AKNA: variants seen among roughly 807,000 people sequenced by gnomAD.
AKNA encodes the protein microtubule organization protein AKNA.
In AKNA, 67 loss-of-function variants were observed where a neutral mutation model predicts 138.8. The ratio of observed to expected loss-of-function variants is 0.48; its 90% confidence interval spans 0.40 to 0.59. The LOEUF (loss-of-function observed/expected upper bound fraction) is 0.59, where lower values mean the gene tolerates loss of function less well. Ranked by LOEUF, AKNA falls within the 20% of genes least tolerant of loss-of-function variation. AKNA has a pLI of 0.00. For synonymous variants in AKNA, 737 were observed against 754.4 expected (o/e 0.98, Z 0.38); for missense variants, 1,813 against 1,880.4 (o/e 0.96, Z 0.66).
intron 4 of AKNA, among the ~76,000 whole-genome samples, chr9:114,369,153 T>C (rs1359271730): frequency 2.0e-5 from 3 of 152,162 alleles, no homozygotes; most frequent in Non-Finnish European, 2.9e-5. Flanking sequence ...TCTCTATCAT[T>C]TGAGGATGGA....
chr9:114,368,077 C>A (rs533695172), intron 5 of AKNA: 1 of 288,018 alleles, frequency 3.5e-6, no homozygotes, highest in Non-Finnish European at 6.5e-6. Context: ...ATGGGTGTGA[C>A]AACAGTGCAC....
Position 114,345,849 on chromosome 9 carries a change from C to T in AKNA, c.3661+14G>A, listed in dbSNP as rs958337333. On this transcript the variant is annotated intron_variant, in intron 18 of 21. Coordinates refer to ENST00000374088, the MANE Select transcript of AKNA (RefSeq NM_001317950.2). ...CAGGAGCTGCACCCATCCCGGCCCT[C>T]CCTCCTGACCTACCTGTGTATTGGC... 6.2e-7 allele frequency: 1 copy of T among 1,613,218 alleles called. No homozygotes were observed. Among genetic ancestry groups the T allele is most frequent in the African/African-American group, 1.3e-5 (1 of 75,008 alleles).
At position 114,343,795 on chromosome 9, in the gene AKNA, A is replaced by G. The variant is rs1290528071; in HGVS notation, c.3670T>C (p.Tyr1224His). 1 of 1,606,312 alleles carries G rather than the reference A, an allele frequency of 6.2e-7. No homozygotes were observed. The highest frequency in any genetic ancestry group is 1.3e-5 in the African/African-American group (1 of 74,912). ...TFRGQYTGHE[Y>H]HVLSPKAVPK... ...ACCGCCTTAGGGGACAGAACATGGT[A>G]TTCGTGGCCTGGGGAAAGAAACCAG... Residue 1224 changes from tyrosine (Y) to histidine (H), a missense_variant, in exon 19 of 22, where the codon TAC becomes CAC. Tyr to His is a moderately conservative substitution (Grantham distance 83). Coordinates refer to ENST00000374088, the MANE Select transcript of AKNA (RefSeq NM_001317950.2).
chr9:114,331,920 C>A (rs1826232), downstream of AKNA: 3 of 1,613,064 alleles, frequency 1.9e-6, no homozygotes, highest in South Asian at 1.1e-5. Context: ...TGTACACCGA[C>A]TGGAAAAAGG....
Position 114,364,570 on chromosome 9 carries a change from T to C in AKNA, c.1778A>G (p.Asp593Gly), listed in dbSNP as rs1832201904. The C allele has an allele frequency of 6.2e-7, 1 of 1,613,742 alleles. No individual in the cohort carries two copies. The highest frequency in any genetic ancestry group is 1.7e-5 in the Admixed American group (1 of 59,994). Residue 593 changes from aspartate (D) to glycine (G), a missense_variant, in exon 7 of 22, where the codon GAC becomes GGC. Asp to Gly is a moderately conservative substitution (Grantham distance 94, BLOSUM62 -1). Transcript: ENST00000374088. The stretch of plus-strand genomic sequence containing the variant: ...TGAATTGGGCAGTACCTTGACTTGG[T>C]CCTGGGGCATGAGACGTCCTGCCTG... ...LIQAGRLMPQ[D>G]QVKGFQRLKA...
chr9:114,386,934 G>A (rs1834074656), intron 1 of AKNA, among the ~76,000 whole-genome samples: 1 of 151,950 alleles, frequency 6.6e-6, no homozygotes, highest in African/African-American at 2.4e-5. Flanking sequence ...TCCAGCCAGA[G>A]CTGTCCAGGG....
chr9:114,351,665 T>A (rs1377969321), intron 14 of AKNA, among the ~76,000 whole-genome samples: 4 of 146,670 alleles, frequency 2.7e-5, no homozygotes, highest in East Asian at 2.0e-4. Flanking sequence ...AAAAAAAAAA[T>A]TATATATATA....
chr9:114,352,565 C>G (rs1311198892), intron 14 of AKNA, among the ~76,000 whole-genome samples: 1 of 151,740 alleles, frequency 6.6e-6, no homozygotes, highest in Non-Finnish European at 1.5e-5. Context: ...CCACTACATA[C>G]CAGCCTGGGG....
In AKNA at chr9:114,337,013, G is replaced by GGGGGGGGGGCC; in HGVS notation, c.*40_*41insGGCCCCCCCCC. 8 of 1,185,370 alleles carry GGGGGGGGGGCC rather than the reference G, an allele frequency of 6.7e-6. No individual in the cohort carries two copies. The highest frequency in any genetic ancestry group is 3.1e-5 in the East Asian group (1 of 31,814). The allele number at this position is 1,185,370 out of a possible 1,614,324, so 73.4% of individuals were successfully genotyped here. On this transcript the variant is annotated 3_prime_UTR_variant, in exon 22 of 22. Transcript: ENST00000374088. ...CCACTCCTGGCCTGGCAGGCCACCT[G>GGGGGGGGGGCC]CCCACCCACCCACCCATCTGCCTCT... is the stretch of plus-strand genomic sequence containing the variant.
intron 18 of AKNA, chr9:114,344,726 AT>A (rs1367721793): frequency 6.5e-6 from 1 of 153,590 alleles, no homozygotes. Context: ...TAAGCTCACT[AT>A]TAAGGGTTAA....
chr9:114,383,344 C>T (rs1005934467), intron 1 of AKNA, among the ~76,000 whole-genome samples: 1 of 152,198 alleles, frequency 6.6e-6, no homozygotes, highest in Non-Finnish European at 1.5e-5. Context: ...TGCTATTTCC[C>T]TAAGCGCTTC....
chr9:114,370,645 T>C (rs758025001), intron 4 of AKNA, among the ~76,000 whole-genome samples: 15 of 152,288 alleles, frequency 9.8e-5, no homozygotes, highest in Non-Finnish European at 1.8e-4. Flanking sequence ...ATTCACTCCC[T>C]TGGGGGATTC....
intron 13 of AKNA, 129 bp downstream of exon 13, chr9:114,356,734 A>G: frequency 1.3e-6 from 1 of 786,046 alleles, no homozygotes; most frequent in Non-Finnish European, 2.0e-6. Flanking sequence ...AATCACGGTT[A>G]GGGGATGAAA....
intron 7 of AKNA, among the ~76,000 whole-genome samples, chr9:114,362,745 C>G (rs1340050112): frequency 2.6e-5 from 4 of 152,228 alleles, no homozygotes; most frequent in African/African-American, 9.6e-5. Context: ...GCTGGCACAA[C>G]AGAGACACAA....
upstream of AKNA, among the ~76,000 whole-genome samples, chr9:114,390,585 A>G (rs1013554140): frequency 6.6e-6 from 1 of 152,166 alleles, no homozygotes; most frequent in Non-Finnish European, 1.5e-5. Context: ...TGTTCCCCAC[A>G]CTGCACCGAT....
downstream of AKNA, chr9:114,331,886 T>A (rs140156206): frequency 1.9e-6 from 3 of 1,613,748 alleles, no homozygotes; most frequent in African/African-American, 4.0e-5. Context: ...CTCGACTGCT[T>A]GTGCATTCCC....
At chr9:114,342,841 G>A (rs1830449095) in intron 19 of AKNA, among the ~76,000 whole-genome samples, 2 of 151,334 alleles carry the variant, frequency 1.3e-5, no homozygotes, top group South Asian at 4.2e-4. Flanking sequence ...CGGGGCCCAG[G>A]GCCCCATAGG....
intron 11 of AKNA, chr9:114,358,442 G>A: frequency 2.3e-6 from 1 of 428,580 alleles, no homozygotes; most frequent in South Asian, 3.2e-5. Flanking sequence ...CAGACTTAAG[G>A]AGTTTGCATA....
In AKNA at chr9:114,337,013, G is replaced by GGGGGGGGGGGGGGGGGC; in HGVS notation, c.*40_*41insGCCCCCCCCCCCCCCCC. The GGGGGGGGGGGGGGGGGC allele has an allele frequency of 4.2e-6, 5 of 1,185,368 alleles. No homozygotes were observed. Among genetic ancestry groups the GGGGGGGGGGGGGGGGGC allele is most frequent in the Non-Finnish European group, 4.3e-6 (4 of 921,702 alleles). The allele number at this position is 1,185,368 out of a possible 1,614,324, so 73.4% of individuals were successfully genotyped here. A position where few individuals can be genotyped will look rare whatever the true frequency, so the allele number is the denominator to read the frequency against. On this transcript the variant is annotated 3_prime_UTR_variant, in exon 22 of 22. Coordinates refer to ENST00000374088, the MANE Select transcript of AKNA (RefSeq NM_001317950.2). ...CCACTCCTGGCCTGGCAGGCCACCT[G>GGGGGGGGGGGGGGGGGC]CCCACCCACCCACCCATCTGCCTCT... is the stretch of plus-strand genomic sequence containing the variant.
Sources: gnomAD v4.1 joint callset for allele counts (sites outside exome capture counted in the v4.1 genomes callset) on GRCh38, gnomAD v4.1.1 for gene constraint, MANE v1.5 for transcripts, NCBI Gene and HGNC (gene_info 2026-07-23, HGNC 2026-07-21) for gene names.